The following STARD13 variants were observed in gnomAD, a reference collection of about 807,000 sequenced individuals.
The protein encoded by STARD13 is stAR-related lipid transfer protein 13.
Under a neutral mutation model 106.4 loss-of-function variants are expected in STARD13, and 62 were observed. The ratio of observed to expected loss-of-function variants is 0.58; its 90% CI spans 0.48 to 0.72. The LOEUF is 0.72. Ranked by LOEUF, STARD13 falls within the 30% of genes least tolerant of loss-of-function variation. STARD13 has a pLI of 0.00. For synonymous variants in STARD13, 565 were observed against 553.0 expected (o/e 1.02, Z -0.31); for missense variants, 1,387 against 1,424.0 (o/e 0.97, Z 0.42).
At chr13:33,490,567 C>T in the STARD13 span, among the ~76,000 whole-genome samples, 1 of 152,118 alleles carries the variant, frequency 6.6e-6, no homozygotes, top group African/African-American at 2.4e-5. Context: ...GTTTTGCCTC[C>T]GGCCGCTGGG....
At chr13:33,276,695 G>A (rs772731940) in intron 1 of STARD13, 5 of 152,128 alleles carry the variant, frequency 3.3e-5, no homozygotes. Flanking sequence ...GGGAGAGTTG[G>A]AATGCAGGAA....
At chr13:33,177,419 T>A (rs552929146) in intron 1 of STARD13, among the ~76,000 whole-genome samples, 1 of 152,184 alleles carries the variant, frequency 6.6e-6, no homozygotes, top group Non-Finnish European at 1.5e-5. Flanking sequence ...ATGCAACCAA[T>A]CCTTTCATGA....
chr13:33,344,486 A>C (rs1219955838), downstream of STARD13, among the ~76,000 whole-genome samples: 1 of 148,414 alleles, frequency 6.7e-6, no homozygotes. Flanking sequence ...ATATTATAGA[A>C]CACATTTAGA....
intron 1 of STARD13, among the ~76,000 whole-genome samples, chr13:33,195,218 G>T (rs1052963923): frequency 6.6e-6 from 1 of 152,078 alleles, no homozygotes; most frequent in Admixed American, 6.6e-5. Context: ...ATTTTACTAG[G>T]TCAACACATT....
intron 1 of STARD13, among the ~76,000 whole-genome samples, chr13:33,198,578 A>G (rs1472635061): frequency 6.6e-6 from 1 of 151,864 alleles, no homozygotes; most frequent in South Asian, 2.1e-4. Flanking sequence ...TCCCTGTTTT[A>G]TTCCTTCTCT....
the STARD13 span, among the ~76,000 whole-genome samples, chr13:33,526,176 A>C: frequency 3.9e-5 from 6 of 151,950 alleles, no homozygotes; most frequent in Non-Finnish European, 7.4e-5. Context: ...TAATTGTCAC[A>C]ATTATTAAAC....
chr13:33,219,905 G>A (rs1888261974), intron 1 of STARD13, among the ~76,000 whole-genome samples: 1 of 152,140 alleles, frequency 6.6e-6, no homozygotes, highest in African/African-American at 2.4e-5. Flanking sequence ...AATACTGATG[G>A]GTAGAGGAAC....
At chr13:33,316,808 C>A (rs768470467) in intron 1 of STARD13, among the ~76,000 whole-genome samples, 1 of 152,132 alleles carries the variant, frequency 6.6e-6, no homozygotes, top group Non-Finnish European at 1.5e-5. Flanking sequence ...GGCATTTGTC[C>A]CCACCGTTCA....
At chr13:33,227,688 G>C (rs1024162070) in intron 1 of STARD13, among the ~76,000 whole-genome samples, 2 of 152,070 alleles carry the variant, frequency 1.3e-5, no homozygotes, top group Non-Finnish European at 2.9e-5. Context: ...GACTATGGAG[G>C]GGGTACAACA....
chr13:33,499,140 AAAAC>A, the STARD13 span, among the ~76,000 whole-genome samples: 3 of 152,188 alleles, frequency 2.0e-5, no homozygotes, highest in Non-Finnish European at 4.4e-5. Flanking sequence ...TCTGTCTCAA[AAAAC>A]AAACAAACAA....
In STARD13 at chr13:33,309,803, CAGAA is replaced by C. The variant is rs1409266685; in HGVS notation, c.124+40483_124+40486del. Among the ~76,000 whole-genome samples the C allele has an allele frequency of 2.0e-5, 3 of 152,120 alleles. No homozygotes were observed. The East Asian group carries it at 5.8e-4, about 29-fold the overall frequency. ...CTCCACTGGGAATGAATGTATGGTA[CAGAA>C]AGAGTCTCTTCTGAGTCAAAGGTTT... is the stretch of plus-strand genomic sequence containing the variant. On this transcript the variant is annotated intron_variant, in intron 1 of 5. Coordinates refer to the STARD13 transcript ENST00000567873.
the STARD13 span, among the ~76,000 whole-genome samples, chr13:33,429,847 A>G: frequency 1.3e-5 from 2 of 151,382 alleles, no homozygotes; most frequent in Non-Finnish European, 2.9e-5. Context: ...GAGACCTACT[A>G]TTTGATAGTG....
Position 33,126,214 on chromosome 13 carries a change from A to G in STARD13, c.1949T>C (p.Met650Thr), listed in dbSNP as rs1256158983. Residue 650 changes from methionine to threonine, a missense_variant, in exon 7 of 14, where the codon ATG becomes ACG. Physicochemically the swap from Met to Thr is moderately conservative, Grantham distance 81 (BLOSUM62 -1). Coordinates refer to ENST00000336934, the MANE Select transcript of STARD13 (RefSeq NM_178006.4). ...CTTGTCTTTGTAGTCGGGAACTTTC[A>G]TCCTCTTCATGAACTTTGGAACTGA... ...TWSVPKFMKR[M>T]KVPDYKDKAV... The G allele has an allele frequency of 1.2e-6, 2 of 1,614,154 alleles. No homozygotes were observed. The highest frequency in any genetic ancestry group is 1.7e-6 in the Non-Finnish European group (2 of 1,180,048).
At chr13:33,449,485 A>T in the STARD13 span, among the ~76,000 whole-genome samples, 1 of 152,128 alleles carries the variant, frequency 6.6e-6, no homozygotes, top group Non-Finnish European at 1.5e-5. Context: ...TGGCAGTACC[A>T]TGTTGTTTTG....
chr13:33,563,341 A>G, the STARD13 span, among the ~76,000 whole-genome samples: 2 of 147,300 alleles, frequency 1.4e-5, no homozygotes, highest in Non-Finnish European at 3.0e-5. Flanking sequence ...CTATAAAGCT[A>G]TAGTAACCAA....
chr13:33,127,045 T>C (rs114282104), intron 6 of STARD13, among the ~76,000 whole-genome samples: 1,602 of 152,334 alleles, frequency 0.011, 41 homozygotes, highest in African/African-American at 0.037. Context: ...TGACAGCTGT[T>C]TCTGTGCAAA....
the STARD13 span, among the ~76,000 whole-genome samples, chr13:33,568,144 T>C: frequency 6.7e-6 from 1 of 148,160 alleles, no homozygotes; most frequent in South Asian, 2.1e-4. Context: ...CCCTGAGAAG[T>C]AGTTCCTTCT....
the STARD13 span, among the ~76,000 whole-genome samples, chr13:33,517,634 G>A: frequency 6.6e-6 from 1 of 152,112 alleles, no homozygotes; most frequent in Non-Finnish European, 1.5e-5. Flanking sequence ...TTAATTAAAA[G>A]GGATGGCCAA....
the STARD13 span, among the ~76,000 whole-genome samples, chr13:33,365,096 C>CTG: frequency 0.78 from 117,935 of 151,690 alleles, 46,210 homozygotes; most frequent in East Asian, 0.95. Context: ...ACCTTCCACA[C>CTG]ATGTGAGATG....
Sources: gnomAD v4.1 joint callset for allele counts (sites outside exome capture counted in the v4.1 genomes callset) on GRCh38, gnomAD v4.1.1 for gene constraint, MANE v1.5 for transcripts, NCBI Gene and HGNC (gene_info 2026-07-23, HGNC 2026-07-21) for gene names.